Variants in PLAC1 observed in about 807,000 individuals in gnomAD.
PLAC1 encodes the protein placenta associated 1.
For synonymous variants in PLAC1, 68 were observed against 62.1 expected (o/e 1.09, Z -0.44); for missense variants, 136 against 163.2 (o/e 0.83, Z 0.91).
chrX:134,738,290 C>A (rs1305874316), intron 1 of PLAC1, among the ~76,000 whole-genome samples: 1 of 112,127 alleles, frequency 8.9e-6, no homozygotes, highest in African/African-American at 3.2e-5. Flanking sequence ...GAACTGGCTT[C>A]AGGGAGAAGC....
chrX:134,660,004 T>A (rs138330905), upstream of PLAC1, among the ~76,000 whole-genome samples: 316 of 111,881 alleles, frequency 2.8e-3, 5 homozygotes, highest in African/African-American at 9.9e-3. Context: ...TAAACCACCA[T>A]AAGACCAGTG....
chrX:134,576,468 G>A (rs957732102), intron 2 of PLAC1, among the ~76,000 whole-genome samples: 7 of 107,447 alleles, frequency 6.5e-5, no homozygotes, highest in East Asian at 2.9e-4. Flanking sequence ...CCCAGGAGGC[G>A]GAGGTTGCAG....
intron 2 of PLAC1, among the ~76,000 whole-genome samples, chrX:134,694,679 T>C (rs926664938): frequency 3.6e-5 from 4 of 112,403 alleles, no homozygotes; most frequent in Non-Finnish European, 7.5e-5. Context: ...TGGCAGCATA[T>C]AATGCCAGCT....
chrX:134,679,790 G>A (rs906512444), intron 2 of PLAC1, among the ~76,000 whole-genome samples: 9 of 112,070 alleles, frequency 8.0e-5, no homozygotes, highest in African/African-American at 1.9e-4. Flanking sequence ...GCAGTAAAAA[G>A]ATCAAGAGGT....
chrX:134,718,400 G>T (rs184068186), intron 2 of PLAC1, among the ~76,000 whole-genome samples: 181 of 112,317 alleles, frequency 1.6e-3, no homozygotes, highest in Admixed American at 3.6e-3. Flanking sequence ...TGAAAAGTAC[G>T]TAAAGATCAC....
chrX:134,688,332 C>T (rs1271488582), intron 2 of PLAC1, among the ~76,000 whole-genome samples: 4 of 111,981 alleles, frequency 3.6e-5, no homozygotes, highest in Non-Finnish European at 7.5e-5. Context: ...TCCACTCTCC[C>T]GTTCTCACTT....
At chrX:134,757,283 G>C (rs1357757744) in intron 1 of PLAC1, among the ~76,000 whole-genome samples, 2 of 113,039 alleles carry the variant, frequency 1.8e-5, no homozygotes, top group African/African-American at 6.4e-5. Context: ...GATCCAACTT[G>C]GCAATAGGAC....
chrX:134,688,838 A>T (rs2078527195), intron 2 of PLAC1, among the ~76,000 whole-genome samples: 1 of 112,008 alleles, frequency 8.9e-6, no homozygotes, highest in Non-Finnish European at 1.9e-5. Context: ...CCCAAGGGCC[A>T]ATCTCATATT....
chrX:134,741,716 A>T (rs2078717432), intron 1 of PLAC1, among the ~76,000 whole-genome samples: 1 of 109,637 alleles, frequency 9.1e-6, no homozygotes, highest in Admixed American at 9.9e-5. Context: ...AAAAAAAAAA[A>T]AAAAAGAACA....
chrX:134,587,694 T>C (rs1211402126), intron 2 of PLAC1, among the ~76,000 whole-genome samples: 1 of 111,646 alleles, frequency 9.0e-6, no homozygotes, highest in Non-Finnish European at 1.9e-5. Context: ...AGGGCCCAGG[T>C]ACATCACAGA....
chrX:134,618,931 T>C (rs1352771980), intron 1 of PLAC1, among the ~76,000 whole-genome samples: 1 of 112,452 alleles, frequency 8.9e-6, no homozygotes, highest in African/African-American at 3.2e-5. Context: ...AATAATACCT[T>C]ATTTTAGTCT....
At chrX:134,750,911 TTA>T (rs1222643720) in intron 1 of PLAC1, among the ~76,000 whole-genome samples, 2 of 3,344 alleles carry the variant, frequency 6.0e-4, no homozygotes, top group African/African-American at 1.4e-3. Flanking sequence ...ATATATATAT[TTA>T]TATATATATA....
At chrX:134,715,525 T>C (rs1205604224) in intron 2 of PLAC1, among the ~76,000 whole-genome samples, 2 of 108,245 alleles carry the variant, frequency 1.8e-5, no homozygotes, top group African/African-American at 6.8e-5. Context: ...CAGAGAGCAT[T>C]ACTGAGATGC....
rs369034725 is a variant in PLAC1, at chrX:134,735,658, A to AAGAGAGAGAGAGAG, written n.90-2153_90-2140dup. ...AGAGAGAAAGCAAGAAAGAGAGAGG[A>AAGAGAGAGAGAGAG]AGAGAGAGAGAGAGAGAGAGAAAAC... On this transcript the variant is annotated intron_variant and non_coding_transcript_variant, in intron 1 of 2. Transcript: ENST00000466797. Among the ~76,000 whole-genome samples, 349 of 105,832 alleles carry AAGAGAGAGAGAGAG rather than the reference A, an allele frequency of 3.3e-3. 1 individual carries two copies. The highest frequency in any genetic ancestry group is 5.8e-3 in the Non-Finnish European group (296 of 51,258). 91.9% of individuals were successfully genotyped at this position (105,832 alleles called of 115,157 possible).
At chrX:134,569,629 C>G (rs1342051311) in intron 2 of PLAC1, among the ~76,000 whole-genome samples, 3 of 110,501 alleles carry the variant, frequency 2.7e-5, no homozygotes, top group Non-Finnish European at 5.7e-5. Flanking sequence ...TTGCGAATGC[C>G]CAGCTCATTG....
intron 2 of PLAC1, among the ~76,000 whole-genome samples, chrX:134,703,813 CA>C (rs1371606464): frequency 1.7e-4 from 18 of 108,209 alleles, no homozygotes; most frequent in African/African-American, 5.4e-4. Context: ...AAATGTGGCC[CA>C]ACAGTCCCAC....
At chrX:134,687,204 C>T (rs2078520135) in intron 2 of PLAC1, among the ~76,000 whole-genome samples, 1 of 111,521 alleles carries the variant, frequency 9.0e-6, no homozygotes, top group Non-Finnish European at 1.9e-5. Flanking sequence ...TAAAGAGTAA[C>T]TGTAAACTTC....
intron 1 of PLAC1, among the ~76,000 whole-genome samples, chrX:134,614,134 G>A (rs1014643110): frequency 2.6e-4 from 29 of 110,218 alleles, no homozygotes; most frequent in African/African-American, 8.3e-4. Flanking sequence ...TCCTGCAACC[G>A]ACCTACATCT....
intron 1 of PLAC1, among the ~76,000 whole-genome samples, chrX:134,632,538 T>C (rs1602857898): frequency 1.8e-5 from 2 of 111,662 alleles, no homozygotes; most frequent in African/African-American, 6.5e-5. Flanking sequence ...TCCTTCTAAC[T>C]GATCTCCTCT....
Sources: gnomAD v4.1 joint callset for allele counts (sites outside exome capture counted in the v4.1 genomes callset) on GRCh38, gnomAD v4.1.1 for gene constraint, MANE v1.5 for transcripts, NCBI Gene and HGNC (gene_info 2026-07-23, HGNC 2026-07-21) for gene names.